MAEL: variants seen among roughly 807,000 people sequenced by gnomAD.
The protein encoded by MAEL is protein maelstrom homolog.
MAEL carries 46 observed loss-of-function variants against 62.0 expected under a neutral mutation model. The ratio of observed to expected loss-of-function variants is 0.74; its 90% confidence interval spans 0.59 to 0.95. MAEL has a LOEUF of 0.95. Ranked by LOEUF, MAEL falls within the 40% of genes least tolerant of loss-of-function variation. The probability of loss-of-function intolerance (pLI) is 0.00; values close to 1 mark genes in which losing one functional copy is unlikely to be tolerated. For synonymous variants in MAEL, 172 were observed against 175.5 expected, an observed-to-expected ratio of 0.98 and a Z score of 0.16; for missense variants, 497 against 526.8, an observed-to-expected ratio of 0.94 and a Z score of 0.55.
chr1:166,980,779 T>C (rs1021871010), intron 1 of MAEL, among the ~76,000 whole-genome samples: 4 of 152,060 alleles, frequency 2.6e-5, no homozygotes, highest in African/African-American at 9.7e-5. Flanking sequence ...GCAGAGCAAT[T>C]CTTATACTAG....
At chr1:166,997,913 C>T (rs1013973744) in intron 5 of MAEL, among the ~76,000 whole-genome samples, 3 of 152,064 alleles carry the variant, frequency 2.0e-5, no homozygotes, top group African/African-American at 7.2e-5. Flanking sequence ...AATTTTTAAC[C>T]ATGTGGATAA....
At chr1:167,001,215 T>A (rs1664647997) in intron 5 of MAEL, among the ~76,000 whole-genome samples, 1 of 152,090 alleles carries the variant, frequency 6.6e-6, no homozygotes, top group Admixed American at 6.5e-5. Context: ...GCTATAAGGA[T>A]GCAAAGGCAT....
At chr1:166,986,694 C>T (rs1663924649), upstream of MAEL, among the ~76,000 whole-genome samples, 1 of 151,826 alleles carries the variant, frequency 6.6e-6, no homozygotes, top group South Asian at 2.1e-4. Context: ...ACATAATAAA[C>T]AGGCAAGAAA....
chr1:167,012,916 A>G (rs572182391), intron 8 of MAEL, among the ~76,000 whole-genome samples: 5 of 152,192 alleles, frequency 3.3e-5, no homozygotes, highest in Non-Finnish European at 7.4e-5. Context: ...CCATTAGAAA[A>G]AGTTTTAAAC....
intron 1 of MAEL, among the ~76,000 whole-genome samples, chr1:166,982,950 C>G (rs986982216): frequency 1.4e-4 from 21 of 152,206 alleles, no homozygotes; most frequent in African/African-American, 5.1e-4. Context: ...TCTCTTCCTT[C>G]TAGTCGTTGC....
At chr1:166,995,008 T>C (rs897805179) in intron 5 of MAEL, among the ~76,000 whole-genome samples, 2 of 139,030 alleles carry the variant, frequency 1.4e-5, no homozygotes, top group African/African-American at 5.4e-5. Context: ...CTTAGAAACG[T>C]GGACAGCTAG....
rs540374963 is a variant in MAEL, at chr1:167,016,746, A to G, written c.908+462A>G. Among the ~76,000 whole-genome samples the G allele has an allele frequency of 4.6e-5, 7 of 152,294 alleles. No homozygotes were observed. The East Asian group carries it at 1.3e-3, about 29-fold the overall frequency. Reference sequence around the variant, plus strand: ...GGAAGCAACCTAAGTATCCATCAGCAGATGAATGGATAAAGAAAATGTGGT... The same window carrying G: ...GGAAGCAACCTAAGTATCCATCAGCGGATGAATGGATAAAGAAAATGTGGT... On this transcript the variant is annotated intron_variant, in intron 9 of 11. Transcript: ENST00000367872.
intron 5 of MAEL, among the ~76,000 whole-genome samples, chr1:166,996,553 T>C (rs887774038): frequency 1.3e-5 from 2 of 152,176 alleles, no homozygotes; most frequent in Non-Finnish European, 2.9e-5. Flanking sequence ...TAACGAACAT[T>C]AATAAAAAAG....
rs747799510 is a variant in MAEL at position 167,021,170 on chromosome 1, T to C, written c.1117+10T>C. 3.1e-6 allele frequency: 5 copies of C among 1,599,588 alleles called. No homozygotes were observed. The Admixed American group carries it at 5.0e-5, about 16-fold the overall frequency. On this transcript the variant is annotated intron_variant, in intron 11 of 11. Transcript: ENST00000367872. ...TCAAACACACCCATTGGTAAGCAAC[T>C]TATATTTTACAAAAATGCACCTAAA...
At chr1:167,020,610 A>C (rs1184896447) in intron 10 of MAEL, among the ~76,000 whole-genome samples, 1 of 152,132 alleles carries the variant, frequency 6.6e-6, no homozygotes, top group Admixed American at 6.6e-5. Context: ...TCTCTGAGAA[A>C]ATAGAAACAG....
chr1:166,997,309 G>A (rs1244580612), intron 5 of MAEL, among the ~76,000 whole-genome samples: 6 of 152,228 alleles, frequency 3.9e-5, no homozygotes, highest in Non-Finnish European at 5.9e-5. Flanking sequence ...CCTGCATGCC[G>A]TGGGTTGTAC....
At chr1:166,985,395 T>C (rs1212472089), upstream of MAEL, among the ~76,000 whole-genome samples, 2 of 152,162 alleles carry the variant, frequency 1.3e-5, no homozygotes, top group East Asian at 3.9e-4. Flanking sequence ...TCAGTGCATG[T>C]GTGGGAAAAA....
In MAEL at chr1:166,991,262, A is replaced by T. The variant is rs1571242976; in HGVS notation, c.226-116A>T. The T allele has an allele frequency of 1.3e-5, 9 of 677,206 alleles. No homozygotes were observed. The East Asian group carries it at 2.3e-4, about 17-fold the overall frequency. The allele number at this position is 677,206 out of a possible 1,614,324, so 41.9% of individuals were successfully genotyped here. ...ATTGACAGATATATTTATTCACTGG[A>T]TTCATTGACCTTGGTAATCTATAGG... On this transcript the variant is annotated intron_variant, in intron 2 of 11. Coordinates refer to ENST00000367872, the MANE Select transcript of MAEL (RefSeq NM_032858.3).
At chr1:166,997,229 T>C (rs1664468581) in intron 5 of MAEL, among the ~76,000 whole-genome samples, 1 of 152,256 alleles carries the variant, frequency 6.6e-6, no homozygotes, top group South Asian at 2.1e-4. Flanking sequence ...CAAAAAAATC[T>C]TGTAATGTTT....
intron 5 of MAEL, among the ~76,000 whole-genome samples, chr1:166,996,362 A>G (rs969045214): frequency 6.6e-5 from 10 of 152,174 alleles, no homozygotes; most frequent in Non-Finnish European, 1.2e-4. Flanking sequence ...CTCCTTCCCC[A>G]CTTTAACCAG....
intron 10 of MAEL, among the ~76,000 whole-genome samples, chr1:167,018,521 G>C (rs1665489816): frequency 6.6e-6 from 1 of 151,980 alleles, no homozygotes; most frequent in Admixed American, 6.6e-5. Context: ...AATTTTTTAT[G>C]TATTAAACAA....
At position 167,021,917 on chromosome 1, in the gene MAEL, CATATT is replaced by C. The variant is rs1665651165; in HGVS notation, c.*64_*68del. Reference sequence around the variant, plus strand: ...GGCCCAACTTCCTTCTTACTACAGTCATATTAAACAGATCACATCAATGACAAATG... The same window carrying C: ...GGCCCAACTTCCTTCTTACTACAGTCAAACAGATCACATCAATGACAAATG... On this transcript the variant is annotated 3_prime_UTR_variant, in exon 12 of 12. Transcript: ENST00000367872. The C allele has an allele frequency of 2.0e-6, 2 of 1,025,272 alleles. No individual in the cohort carries two copies. The highest frequency in any genetic ancestry group is 2.9e-6 in the Non-Finnish European group (2 of 689,936). The allele number at this position is 1,025,272 out of a possible 1,614,324, so 63.5% of individuals were successfully genotyped here. A position where few individuals can be genotyped will look rare whatever the true frequency, so the allele number is the denominator to read the frequency against.
chr1:167,009,531 A>G (rs1424165624), intron 8 of MAEL, among the ~76,000 whole-genome samples: 1 of 149,604 alleles, frequency 6.7e-6, no homozygotes, highest in Non-Finnish European at 1.5e-5. Flanking sequence ...ATGCAGGTCC[A>G]TTTTCTAAGA....
intron 9 of MAEL, 86 bp downstream of exon 9, chr1:167,016,370 C>A: frequency 2.4e-6 from 3 of 1,241,820 alleles, no homozygotes; most frequent in South Asian, 1.2e-5. Context: ...CTTTGGCAAT[C>A]GGGGTAACTC....
Sources: allele counts gnomAD v4.1 joint callset (sites outside exome capture counted in the v4.1 genomes callset), GRCh38; gene constraint gnomAD v4.1.1; transcripts MANE v1.5; gene names NCBI Gene and HGNC (gene_info 2026-07-23, HGNC 2026-07-21).